Variants in HESX1 observed in about 807,000 individuals in gnomAD.
HESX1 encodes HESX homeobox 1.
Under a neutral mutation model 22.5 loss-of-function variants are expected in HESX1, and 11 were observed. That is an observed-to-expected ratio of 0.49 (90% CI 0.31 to 0.81). HESX1 has a LOEUF of 0.81. HESX1 is among the 30% of genes least tolerant of loss of function. HESX1 has a pLI of 0.05. For synonymous variants in HESX1, 74 were observed against 76.5 expected (o/e 0.97, Z 0.17); for missense variants, 201 against 212.6 (o/e 0.95, Z 0.34).
At chr3:57,213,052 GACACAC>G (rs113793630) in intron 1 of HESX1, among the ~76,000 whole-genome samples, 1 of 149,900 alleles carries the variant, frequency 6.7e-6, no homozygotes, top group South Asian at 2.1e-4. Flanking sequence ...CCCATAGTGT[GACACAC>G]ACACACACAC....
intron 1 of HESX1, among the ~76,000 whole-genome samples, chr3:57,212,897 C>G (rs1357804815): frequency 6.6e-6 from 1 of 152,118 alleles, no homozygotes; most frequent in Admixed American, 6.5e-5. Flanking sequence ...CACCCATCAA[C>G]TCATCATTTA....
upstream of HESX1, among the ~76,000 whole-genome samples, chr3:57,227,566 G>A (rs1399785999): frequency 1.3e-5 from 2 of 152,220 alleles, no homozygotes; most frequent in South Asian, 2.1e-4. Flanking sequence ...GCCATCCCAG[G>A]GCAGACACTG....
In HESX1 at chr3:57,209,962, A is replaced by G. The variant is rs111799057; in HGVS notation, c.-110-9934T>C. On this transcript the variant is annotated intron_variant, in intron 1 of 2. Transcript: ENST00000495160. ...AAATTGAGAGTACAGTTGTAATACC[A>G]GAAGTCACTAACTAGGAAGTGGCAG... 1.2e-3 allele frequency among the ~76,000 whole-genome samples: 190 copies of G among 152,328 alleles called. 1 individual carries two copies. The highest frequency in any genetic ancestry group is 4.4e-3 in the African/African-American group (182 of 41,572).
intron 1 of HESX1, among the ~76,000 whole-genome samples, chr3:57,217,265 C>T (rs2060587731): frequency 6.6e-6 from 1 of 152,164 alleles, no homozygotes; most frequent in Non-Finnish European, 1.5e-5. Flanking sequence ...GCATGTGATA[C>T]ATATACACGT....
At chr3:57,221,581 A>G (rs1031747336) in intron 1 of HESX1, among the ~76,000 whole-genome samples, 2 of 152,064 alleles carry the variant, frequency 1.3e-5, no homozygotes, top group Non-Finnish European at 2.9e-5. Context: ...ACAGCCTTGT[A>G]GCTGTAATAT....
chr3:57,202,020 G>A (rs1004971568), upstream of HESX1, among the ~76,000 whole-genome samples: 3 of 151,792 alleles, frequency 2.0e-5, no homozygotes, highest in Non-Finnish European at 4.4e-5. Context: ...CCGGGTTCAC[G>A]CCATTCTCCT....
At chr3:57,213,325 T>C (rs190322190) in intron 1 of HESX1, among the ~76,000 whole-genome samples, 7 of 152,310 alleles carry the variant, frequency 4.6e-5, no homozygotes, top group Admixed American at 4.6e-4. Flanking sequence ...TGCTGCCATA[T>C]TTCCTTCTAA....
upstream of HESX1, among the ~76,000 whole-genome samples, chr3:57,201,304 G>A (rs1013741820): frequency 2.0e-5 from 3 of 152,164 alleles, no homozygotes; most frequent in South Asian, 4.2e-4. Context: ...ACCATTCTGC[G>A]GATGAATAAA....
chr3:57,198,192 T>G lies in HESX1; in HGVS notation c.*5A>C. On this transcript the variant is annotated 3_prime_UTR_variant, in exon 4 of 4. Coordinates refer to ENST00000295934, the MANE Select transcript of HESX1 (RefSeq NM_003865.3). Reference sequence around the variant, plus strand: ...GAAGATAATTTCACTTGTTTAGTTTTCTATCTATTCCAGCAGATTTGTGTT... The same window carrying G: ...GAAGATAATTTCACTTGTTTAGTTTGCTATCTATTCCAGCAGATTTGTGTT... 1 of 1,538,638 alleles carries G rather than the reference T, an allele frequency of 6.5e-7. No homozygotes were observed. The highest frequency in any genetic ancestry group is 1.1e-5 in the South Asian group (1 of 89,414).
upstream of HESX1, among the ~76,000 whole-genome samples, chr3:57,204,790 C>T (rs2060510487): frequency 8.1e-6 from 1 of 122,820 alleles, no homozygotes; most frequent in East Asian, 3.6e-4. Context: ...ATGAGTGAAA[C>T]CTTGTCTCAA....
chr3:57,207,194 C>A (rs1026186653), intron 1 of HESX1, among the ~76,000 whole-genome samples: 3 of 152,156 alleles, frequency 2.0e-5, no homozygotes, highest in African/African-American at 7.2e-5. Context: ...AGTGATCCAA[C>A]GCACCTCGGC....
chr3:57,225,881 C>CTTTTTTTTTTTT (rs540522007), intron 1 of HESX1, among the ~76,000 whole-genome samples: 7 of 132,124 alleles, frequency 5.3e-5, no homozygotes, highest in African/African-American at 8.4e-5. Context: ...CTTTTCTTTT[C>CTTTTTTTTTTTT]TTTTTTTTTT....
upstream of HESX1, among the ~76,000 whole-genome samples, chr3:57,204,480 C>A (rs2060508711): frequency 6.6e-6 from 1 of 152,112 alleles, no homozygotes; most frequent in African/African-American, 2.4e-5. Context: ...AAATACAATG[C>A]CATTTACTGG....
At chr3:57,201,879 C>CTA (rs1021630900), upstream of HESX1, among the ~76,000 whole-genome samples, 2 of 69,476 alleles carry the variant, frequency 2.9e-5, no homozygotes, top group Non-Finnish European at 6.2e-5. Flanking sequence ...CTATCTATAT[C>CTA]TATCTATCTA....
chr3:57,211,391 G>T lies in HESX1; in HGVS notation c.-110-11363C>A, dbSNP rs912228103. ...AAAATTGAAAAACCTTCAGCCGGGC[G>T]TGGTAGCATGCGCCTGTGATCCCAG... On this transcript the variant is annotated intron_variant, in intron 1 of 2. Transcript: ENST00000495160. 2.6e-5 allele frequency among the ~76,000 whole-genome samples: 4 copies of T among 151,694 alleles called. No individual in the cohort carries two copies. The South Asian group carries it at 8.3e-4, about 32-fold the overall frequency.
intron 1 of HESX1, among the ~76,000 whole-genome samples, chr3:57,218,129 G>A (rs2060593259): frequency 6.6e-6 from 1 of 152,040 alleles, no homozygotes; most frequent in Admixed American, 6.6e-5. Flanking sequence ...TTTGGTTCAG[G>A]GGTACACATG....
At chr3:57,225,587 T>C (rs2060637125) in intron 1 of HESX1, among the ~76,000 whole-genome samples, 1 of 152,148 alleles carries the variant, frequency 6.6e-6, no homozygotes, top group South Asian at 2.1e-4. Context: ...TTGATCCGCC[T>C]GCCTCAGCCT....
chr3:57,204,720 GCC>G (rs1486460611), upstream of HESX1, among the ~76,000 whole-genome samples: 1 of 151,164 alleles, frequency 6.6e-6, no homozygotes, highest in Non-Finnish European at 1.5e-5. Context: ...GATCCCTTGA[GCC>G]CAGGAGGTAG....
Position 57,199,796 on chromosome 3 carries a change from G to A in HESX1, c.123C>T (p.Pro41=), listed in dbSNP as rs1220735794. The A allele has an allele frequency of 6.2e-7, 1 of 1,614,082 alleles. No homozygotes were observed. Among genetic ancestry groups the A allele is most frequent in the African/African-American group, 1.3e-5 (1 of 75,006 alleles). The change falls in exon 1 of 4, where the codon CCC becomes CCT. Residue 41 remains proline (P), a synonymous_variant. Transcript: ENST00000295934. ...QKKDCVPLMK[P]HRPWADTCSS... ...TGCAGGTGTCTGCCCAGGGCCTGTG[G>A]GGTTTCATTAATGGAACACAGTCTT... is the stretch of plus-strand genomic sequence containing the variant.
Sources: gnomAD v4.1 joint callset for allele counts (sites outside exome capture counted in the v4.1 genomes callset) on GRCh38, gnomAD v4.1.1 for gene constraint, MANE v1.5 for transcripts, NCBI Gene and HGNC (gene_info 2026-07-23, HGNC 2026-07-21) for gene names.